Variants in NF1 observed in about 807,000 individuals in gnomAD.
The protein encoded by NF1 is neurofibromin 1, also known as neurofibromin.
Under a neutral mutation model 325.7 loss-of-function variants are expected in NF1, and 122 were observed. That is an observed-to-expected ratio of 0.37 (90% CI 0.32 to 0.44). The LOEUF is 0.44. Among genes scored for constraint, NF1 ranks in the 20% least tolerant of loss-of-function variants. The probability of loss-of-function intolerance (pLI) is 1.00; values close to 1 mark genes in which losing one functional copy is unlikely to be tolerated. For synonymous variants in NF1, 1,091 were observed against 1,186.0 expected, an observed-to-expected ratio of 0.92 and a Z score of 1.65; for missense variants, 2,140 against 3,415.4, an observed-to-expected ratio of 0.63 and a Z score of 9.31.
intron 5 of NF1, among the ~76,000 whole-genome samples, chr17:31,179,075 C>T (rs934170941): frequency 6.6e-6 from 1 of 152,178 alleles, no homozygotes; most frequent in Non-Finnish European, 1.5e-5. Context: ...CTTCTCAGCA[C>T]CACATTGCAC....
chr17:31,204,939 G>C (rs1232403438), intron 11 of NF1, among the ~76,000 whole-genome samples: 2 of 152,078 alleles, frequency 1.3e-5, no homozygotes, highest in African/African-American at 4.8e-5. Flanking sequence ...TATACTATCA[G>C]ACTAAAAATT....
At chr17:31,260,669 A>G (rs1349557306) in intron 34 of NF1, among the ~76,000 whole-genome samples, 154 bp downstream of exon 34, 2 of 152,218 alleles carry the variant, frequency 1.3e-5, no homozygotes, top group African/African-American at 4.8e-5. Context: ...AAAAAAATAC[A>G]AACAAAAGGT....
chr17:31,227,674 T>C (rs1317312551), intron 20 of NF1, 68 bp downstream of exon 20: 2 of 1,384,028 alleles, frequency 1.4e-6, no homozygotes, highest in Non-Finnish European at 2.1e-6. Flanking sequence ...ACTTTGATAA[T>C]CTTTCAAGAG....
At chr17:31,139,375 GACAC>G (rs58863782) in intron 1 of NF1, among the ~76,000 whole-genome samples, 1,644 of 144,112 alleles carry the variant, frequency 0.011, 15 homozygotes, top group Middle Eastern at 0.025. Flanking sequence ...GTTTTACACA[GACAC>G]ACACACACAC....
intron 36 of NF1, among the ~76,000 whole-genome samples, chr17:31,309,811 C>A (rs1298180917): frequency 3.3e-5 from 5 of 152,144 alleles, no homozygotes; most frequent in Admixed American, 6.5e-5. Flanking sequence ...GCTGGTGGAA[C>A]CCTCCATGTA....
At chr17:31,187,294 G>A (rs918251668) in intron 8 of NF1, among the ~76,000 whole-genome samples, 8 of 152,180 alleles carry the variant, frequency 5.3e-5, no homozygotes, top group Non-Finnish European at 8.8e-5. Context: ...TGCCTCCCAG[G>A]TTCAAGCGAT....
At chr17:31,126,031 C>T (rs1156447095) in intron 1 of NF1, among the ~76,000 whole-genome samples, 1 of 151,958 alleles carries the variant, frequency 6.6e-6, no homozygotes, top group Non-Finnish European at 1.5e-5. Flanking sequence ...CTAAAAAATA[C>T]AAAAAAATTA....
At chr17:31,334,727 C>T (rs780991405) in intron 39 of NF1, 111 bp from the exon 40 acceptor site, 1 of 819,854 alleles carries the variant, frequency 1.2e-6, no homozygotes, top group Non-Finnish European at 2.0e-6. Context: ...AGGCCTGATT[C>T]TAGGTAATAG....
At chr17:31,281,840 T>G (rs2068124618) in intron 36 of NF1, among the ~76,000 whole-genome samples, 1 of 152,004 alleles carries the variant, frequency 6.6e-6, no homozygotes, top group Non-Finnish European at 1.5e-5. Flanking sequence ...GAGAGTCACT[T>G]GAGTCCAGGA....
intron 57 of NF1, among the ~76,000 whole-genome samples, chr17:31,370,104 C>T (rs2070605110): frequency 6.6e-6 from 1 of 152,020 alleles, no homozygotes; most frequent in African/African-American, 2.4e-5. Context: ...ATCACAGTCA[C>T]ACCACATTTA....
chr17:31,285,278 A>AC (rs369902336), intron 36 of NF1, among the ~76,000 whole-genome samples: 10 of 46,876 alleles, frequency 2.1e-4, no homozygotes, highest in Admixed American at 1.2e-3. Context: ...GATTCTGTTT[A>AC]AAAAAAAAAA....
intron 56 of NF1, 189 bp downstream of exon 56, chr17:31,359,204 T>G: frequency 1.8e-6 from 1 of 570,012 alleles, no homozygotes; most frequent in Non-Finnish European, 3.1e-6. Flanking sequence ...TGTTGGGGTG[T>G]GTGTATTCAC....
intron 48 of NF1, among the ~76,000 whole-genome samples, chr17:31,347,039 C>T (rs1321539275): frequency 6.6e-6 from 1 of 151,402 alleles, no homozygotes; most frequent in Non-Finnish European, 1.5e-5. Flanking sequence ...AAAAAAAACC[C>T]CTGAAAGTCT....
At chr17:31,360,784 A>G in intron 57 of NF1, 81 bp downstream of exon 57, 2 of 1,319,186 alleles carry the variant, frequency 1.5e-6, no homozygotes, top group Non-Finnish European at 2.2e-6. Flanking sequence ...ATCAGTTTAT[A>G]GCAAATTTTG....
At chr17:31,294,973 AG>A (rs2068430109) in intron 36 of NF1, 1 of 1,613,788 alleles carries the variant, frequency 6.2e-7, no homozygotes. Flanking sequence ...TACATCAGGG[AG>A]GAGTGCTTTC....
rs1172637258 is a variant in NF1 at position 31,340,674 on chromosome 17, GAT to G, written c.7062+30_7062+31del. On this transcript the variant is annotated intron_variant, in intron 47 of 57. Coordinates refer to ENST00000358273, the MANE Select transcript of NF1 (RefSeq NM_001042492.3). ...AGCAAACTTTGCCTTGAGGTTCCTAGATTACTCAAATTTAGTACTCTTCCATC... is the reference window on the plus strand; with the variant it reads ...AGCAAACTTTGCCTTGAGGTTCCTAGTACTCAAATTTAGTACTCTTCCATC... The G allele has an allele frequency of 1.9e-6, 3 of 1,610,592 alleles. No individual in the cohort carries two copies. In the African/African-American group the frequency reaches 4.0e-5, roughly 22 times the overall value.
At chr17:31,285,040 G>A (rs970069305) in intron 36 of NF1, among the ~76,000 whole-genome samples, 2 of 152,024 alleles carry the variant, frequency 1.3e-5, no homozygotes, top group East Asian at 3.9e-4. Context: ...AATCGCTTGA[G>A]CCCGGGAGGC....
chr17:31,125,434 A>C (rs1200082468), intron 1 of NF1, among the ~76,000 whole-genome samples: 2 of 152,004 alleles, frequency 1.3e-5, no homozygotes, highest in Non-Finnish European at 2.9e-5. Context: ...CACATGCAGG[A>C]ATTTGAAGTA....
At chr17:31,212,610 T>A (rs1181099141) in intron 12 of NF1, among the ~76,000 whole-genome samples, 4 of 152,258 alleles carry the variant, frequency 2.6e-5, no homozygotes, top group Non-Finnish European at 5.9e-5. Flanking sequence ...CTTGGGAGGC[T>A]GAGGCAGGAG....
Sources: gnomAD v4.1 joint callset for allele counts (sites outside exome capture counted in the v4.1 genomes callset) on GRCh38, gnomAD v4.1.1 for gene constraint, MANE v1.5 for transcripts, NCBI Gene and HGNC (gene_info 2026-07-23, HGNC 2026-07-21) for gene names.